LRRC37A3: variants seen among roughly 807,000 people sequenced by gnomAD.
The protein encoded by LRRC37A3 is leucine rich repeat containing 37 member A3, also known as leucine-rich repeat-containing protein 37A3.
Under a neutral mutation model 106.2 loss-of-function variants are expected in LRRC37A3, and 25 were observed. The ratio of observed to expected loss-of-function variants is 0.24; its 90% CI spans 0.17 to 0.33. The LOEUF is 0.33. Ranked by LOEUF, LRRC37A3 falls within the 10% of genes least tolerant of loss-of-function variation. LRRC37A3 has a pLI of 1.00. For missense variants in LRRC37A3, 712 were observed against 1,644.9 expected (o/e 0.43, Z 9.81); for synonymous variants, 305 against 635.8 (o/e 0.48, Z 7.83).
At chr17:64,866,932 C>A (rs1230746365) in intron 10 of LRRC37A3, among the ~76,000 whole-genome samples, 1 of 149,516 alleles carries the variant, frequency 6.7e-6, no homozygotes, top group Non-Finnish European at 1.5e-5. Flanking sequence ...GCCTGGGGAA[C>A]ATACTGAGAC....
chr17:64,919,047 A>G (rs1402377187), intron 1 of LRRC37A3, among the ~76,000 whole-genome samples, 177 bp from the exon 2 acceptor site: 1 of 151,332 alleles, frequency 6.6e-6, no homozygotes, highest in African/African-American at 2.4e-5. Flanking sequence ...TTCTCCGGCT[A>G]CTGCTGCCCC....
At position 64,894,739 on chromosome 17, in the gene LRRC37A3, A is replaced by T. The variant is rs1200249010; in HGVS notation, c.2519T>A (p.Met840Lys). Residue 840 changes from methionine (M) to lysine (K), a missense_variant, in exon 4 of 15, where the codon ATG (methionine) becomes AAG (lysine). Coordinates refer to ENST00000584306, the MANE Select transcript of LRRC37A3 (RefSeq NM_199340.5). ...TGGGTTGAGATCAATACATGACAAC[A>T]TCTCATCTCCGCAGGTACAGAGCTC... is the stretch of plus-strand genomic sequence containing the variant. ...ICELCTCGDE[M>K]LSCIDLNPEQ... 1 of 534,198 alleles carries T rather than the reference A, an allele frequency of 1.9e-6. No homozygotes were observed. The highest frequency in any genetic ancestry group is 3.3e-5 in the Admixed American group (1 of 30,594). 33.1% of individuals were successfully genotyped at this position (534,198 alleles called of 1,614,324 possible).
intron 8 of LRRC37A3, chr17:64,876,946 T>A (rs983837916): frequency 6.6e-6 from 1 of 152,198 alleles, no homozygotes; most frequent in African/African-American, 2.4e-5. Flanking sequence ...CAGTATTTCT[T>A]ATGAATGTAG....
At chr17:64,916,360 G>A (rs1411648881) in intron 2 of LRRC37A3, among the ~76,000 whole-genome samples, 5 of 151,394 alleles carry the variant, frequency 3.3e-5, no homozygotes, top group Admixed American at 2.0e-4. Context: ...AGTCAAGATC[G>A]CGCCACTGCA....
chr17:64,874,632 G>A (rs1249101149), intron 8 of LRRC37A3, among the ~76,000 whole-genome samples: 66 of 152,392 alleles, frequency 4.3e-4, no homozygotes, highest in African/African-American at 1.3e-3. Context: ...CCATGATGAC[G>A]ATGGCGGTTT....
At chr17:64,866,559 CA>C (rs1973076217) in intron 10 of LRRC37A3, among the ~76,000 whole-genome samples, 2 of 82,326 alleles carry the variant, frequency 2.4e-5, no homozygotes, top group African/African-American at 1.1e-4. Context: ...TATACACGTA[CA>C]TATATATATA....
At chr17:64,874,980 C>A (rs1227437110) in intron 8 of LRRC37A3, among the ~76,000 whole-genome samples, 1 of 151,810 alleles carries the variant, frequency 6.6e-6, no homozygotes, top group African/African-American at 2.4e-5. Flanking sequence ...GGGTCCTCTG[C>A]CTAGGAAAAC....
intron 8 of LRRC37A3, among the ~76,000 whole-genome samples, chr17:64,872,892 G>A (rs966974887): frequency 5.9e-5 from 9 of 151,916 alleles, no homozygotes; most frequent in Non-Finnish European, 1.0e-4. Context: ...GAAAGCTAAG[G>A]CATGGCTGTA....
chr17:64,918,188 T>TA (rs558382874), intron 2 of LRRC37A3, among the ~76,000 whole-genome samples: 11,639 of 135,104 alleles, frequency 0.086, no homozygotes, highest in Non-Finnish European at 0.14. Flanking sequence ...ATATCTGATT[T>TA]AAAAAAAAAA....
intron 8 of LRRC37A3, among the ~76,000 whole-genome samples, chr17:64,874,450 GC>G (rs1428167445): frequency 6.6e-6 from 1 of 151,624 alleles, no homozygotes; most frequent in African/African-American, 2.4e-5. Flanking sequence ...CCTCCGCCCG[GC>G]CAGCCGCCCC....
intron 8 of LRRC37A3, among the ~76,000 whole-genome samples, chr17:64,874,919 C>T (rs1269885615): frequency 2.0e-5 from 3 of 151,584 alleles, no homozygotes; most frequent in Non-Finnish European, 4.4e-5. Context: ...AGAGTCATCA[C>T]CACTCCCTAA....
intron 10 of LRRC37A3, among the ~76,000 whole-genome samples, chr17:64,864,778 G>A (rs1178486725): frequency 6.6e-6 from 1 of 151,554 alleles, no homozygotes; most frequent in Non-Finnish European, 1.5e-5. Context: ...CCTGAAAAAT[G>A]CCTGGTGCAC....
chr17:64,874,521 G>C (rs1973438927), intron 8 of LRRC37A3, among the ~76,000 whole-genome samples: 1 of 150,864 alleles, frequency 6.6e-6, no homozygotes, highest in Non-Finnish European at 1.5e-5. Flanking sequence ...CGGGAGGTGG[G>C]GGGTGCCTCT....
chr17:64,868,676 G>T (rs919804652), intron 9 of LRRC37A3, 140 bp from the exon 10 acceptor site: 5 of 1,247,400 alleles, frequency 4.0e-6, no homozygotes, highest in Non-Finnish European at 5.6e-6. Flanking sequence ...TCTTATTAAA[G>T]AAATTAAAGT....
chr17:64,916,624 A>C (rs1430580331), intron 2 of LRRC37A3, among the ~76,000 whole-genome samples: 3 of 150,338 alleles, frequency 2.0e-5, no homozygotes, highest in Non-Finnish European at 3.0e-5. Flanking sequence ...AAAAAAAAAA[A>C]AAAAAAAAAA....
At chr17:64,874,445 G>A (rs1164020766) in intron 8 of LRRC37A3, among the ~76,000 whole-genome samples, 12 of 151,742 alleles carry the variant, frequency 7.9e-5, no homozygotes, top group East Asian at 1.9e-4. Flanking sequence ...GAGCCCCTCC[G>A]CCCGGCCAGC....
intron 10 of LRRC37A3, chr17:64,863,673 A>G (rs1169383361): frequency 6.5e-6 from 1 of 153,276 alleles, no homozygotes; most frequent in Admixed American, 6.5e-5. Flanking sequence ...TCACTTTGCA[A>G]CCGTCAGTGC....
At chr17:64,869,251 A>G in intron 8 of LRRC37A3, 85 bp from the exon 9 acceptor site, 1 of 1,588,424 alleles carries the variant, frequency 6.3e-7, no homozygotes, top group South Asian at 1.1e-5. Context: ...TTTGGTATGG[A>G]ACTTGTAGGT....
intron 8 of LRRC37A3, among the ~76,000 whole-genome samples, chr17:64,869,626 T>C (rs9895343): frequency 0.11 from 16,541 of 146,362 alleles, 3,403 homozygotes; most frequent in African/African-American, 0.42. Flanking sequence ...ACCTCCGCCT[T>C]CCAGGTTCAA....
Sources: gnomAD v4.1 joint callset for allele counts (sites outside exome capture counted in the v4.1 genomes callset) on GRCh38, gnomAD v4.1.1 for gene constraint, MANE v1.5 for transcripts, NCBI Gene and HGNC (gene_info 2026-07-23, HGNC 2026-07-21) for gene names.